Variants in ADGRL3 observed in about 807,000 individuals in gnomAD.
ADGRL3 encodes the protein calcium-independent alpha-latrotoxin receptor 3.
ADGRL3 carries 62 observed loss-of-function variants against 153.5 expected under a neutral mutation model. That is an observed-to-expected ratio of 0.40 (90% CI 0.33 to 0.50). The LOEUF (loss-of-function observed/expected upper bound fraction) is 0.50, where lower values mean the gene tolerates loss of function less well. Ranked by LOEUF, ADGRL3 falls within the 20% of genes least tolerant of loss-of-function variation. The pLI, the probability that ADGRL3 is intolerant of heterozygous loss-of-function variation, is 0.47. For synonymous variants in ADGRL3, 710 were observed against 672.5 expected (o/e 1.06, Z -0.86); for missense variants, 1,641 against 1,859.4 (o/e 0.88, Z 2.16).
chr4:61,735,005 ACT>A (rs1189339142), intron 8 of ADGRL3, among the ~76,000 whole-genome samples: 5 of 152,146 alleles, frequency 3.3e-5, no homozygotes, highest in African/African-American at 1.2e-4. Context: ...GTTTCAAATT[ACT>A]CTTTTATTAG....
rs567273197 is a variant in ADGRL3 at position 61,433,476 on chromosome 4, CA to C, written c.-174+50288del. The stretch of plus-strand genomic sequence containing the variant: ...ACTTAAATATCAATAGTATTTTAAG[CA>C]TTTAAGGACTTACTTTTTTCTGAAA... On this transcript the variant is annotated intron_variant, in intron 2 of 26. Coordinates refer to ENST00000683033, the MANE Select transcript of ADGRL3 (RefSeq NM_001387552.1). Among the ~76,000 whole-genome samples the C allele has an allele frequency of 1.1e-4, 16 of 152,070 alleles. No homozygotes were observed. The East Asian group carries it at 3.1e-3, about 29-fold the overall frequency.
intron 8 of ADGRL3, among the ~76,000 whole-genome samples, chr4:61,756,415 C>G (rs1267538055): frequency 1.3e-5 from 2 of 152,086 alleles, no homozygotes; most frequent in Non-Finnish European, 2.9e-5. Context: ...ATTTGGCTCT[C>G]TGTTTGTCTG....
intron 9 of ADGRL3, among the ~76,000 whole-genome samples, chr4:61,820,406 A>G (rs1176468967): frequency 6.6e-6 from 1 of 152,146 alleles, no homozygotes; most frequent in Admixed American, 6.5e-5. Context: ...ATCACAATAC[A>G]TTACAAGGTA....
rs968085079 is a variant in ADGRL3 at position 61,835,671 on chromosome 4, A to G, written c.1480+21782A>G. 8.5e-5 allele frequency among the ~76,000 whole-genome samples: 13 copies of G among 152,096 alleles called. No individual in the cohort carries two copies. In the East Asian group the frequency reaches 1.3e-3, roughly 16 times the overall value. On this transcript the variant is annotated intron_variant, in intron 9 of 26. Transcript: ENST00000683033. ...TTTTTACAAGATTTGGAATCTCCCC[A>G]TGGGTAGTTTAGAGAAAGGAAAATT...
At chr4:61,271,571 G>A (rs2093181808) in intron 1 of ADGRL3, among the ~76,000 whole-genome samples, 1 of 151,986 alleles carries the variant, frequency 6.6e-6, no homozygotes, top group Admixed American at 6.6e-5. Context: ...AAACAGAGAA[G>A]TCTACCCACA....
intron 1 of ADGRL3, among the ~76,000 whole-genome samples, chr4:61,350,143 T>C (rs1357927509): frequency 6.6e-6 from 1 of 152,082 alleles, no homozygotes; most frequent in Admixed American, 6.5e-5. Context: ...AATTCAAACA[T>C]GTTGCTGATA....
intron 1 of ADGRL3, among the ~76,000 whole-genome samples, chr4:61,324,236 C>T (rs763817145): frequency 3.9e-5 from 6 of 152,128 alleles, no homozygotes; most frequent in Non-Finnish European, 8.8e-5. Context: ...CCGTATCACC[C>T]ACTTTTTCTG....
At chr4:61,222,001 T>C (rs1745816908) in intron 1 of ADGRL3, among the ~76,000 whole-genome samples, 1 of 152,152 alleles carries the variant, frequency 6.6e-6, no homozygotes, top group African/African-American at 2.4e-5. Context: ...GCCAACTCCA[T>C]CATAACCATA....
intron 13 of ADGRL3, among the ~76,000 whole-genome samples, chr4:61,916,101 T>G (rs2098743949): frequency 1.3e-5 from 2 of 152,134 alleles, no homozygotes; most frequent in African/African-American, 4.8e-5. Flanking sequence ...GAAAGCACAG[T>G]GAAATTTTAA....
At chr4:61,770,096 T>C (rs143066946) in intron 8 of ADGRL3, among the ~76,000 whole-genome samples, 1 of 152,190 alleles carries the variant, frequency 6.6e-6, no homozygotes, top group Non-Finnish European at 1.5e-5. Context: ...ATTCTAAAAT[T>C]TTAGTCATGA....
chr4:61,601,822 A>T (rs2099013146), intron 5 of ADGRL3, among the ~76,000 whole-genome samples: 1 of 152,176 alleles, frequency 6.6e-6, no homozygotes, highest in African/African-American at 2.4e-5. Context: ...ATCTTCCTTT[A>T]GTGGGTAAGT....
intron 21 of ADGRL3, among the ~76,000 whole-genome samples, chr4:62,013,803 G>T (rs948377090): frequency 9.2e-5 from 14 of 151,722 alleles, no homozygotes; most frequent in African/African-American, 3.4e-4. Context: ...CAGGAGAATC[G>T]CTTGAACCCG....
intron 6 of ADGRL3, among the ~76,000 whole-genome samples, chr4:61,719,540 G>C (rs2096195641): frequency 6.6e-6 from 1 of 150,764 alleles, no homozygotes; most frequent in African/African-American, 2.4e-5. Flanking sequence ...AGTTTTATGT[G>C]TACCACTTTC....
intron 7 of ADGRL3, among the ~76,000 whole-genome samples, chr4:61,731,355 G>A (rs1024498120): frequency 6.6e-6 from 1 of 151,956 alleles, no homozygotes; most frequent in African/African-American, 2.4e-5. Flanking sequence ...TATAGTTACT[G>A]TTTAAAAGCT....
At chr4:61,654,345 G>A (rs183194896) in intron 5 of ADGRL3, among the ~76,000 whole-genome samples, 1,979 of 151,866 alleles carry the variant, frequency 0.013, 19 homozygotes, top group Non-Finnish European at 0.02. Context: ...TTGGATATGC[G>A]TACAAATATA....
intron 2 of ADGRL3, among the ~76,000 whole-genome samples, chr4:61,396,537 C>T (rs919266132): frequency 1.3e-5 from 2 of 151,804 alleles, no homozygotes; most frequent in Admixed American, 6.6e-5. Flanking sequence ...TTGATTCAGT[C>T]GAACTGAGGT....
rs577714551 is a variant in ADGRL3, at chr4:61,930,354, T to C, written c.2113-4486T>C. 4.6e-5 allele frequency among the ~76,000 whole-genome samples: 7 copies of C among 152,304 alleles called. No individual in the cohort carries two copies. The East Asian group carries it at 1.4e-3, about 29-fold the overall frequency. Reference sequence around the variant, plus strand: ...ATTTACTGCTTACCTGGATAAGAAGTGCCACTCATGTGTTTCTCATCATTC... The same window carrying C: ...ATTTACTGCTTACCTGGATAAGAAGCGCCACTCATGTGTTTCTCATCATTC... On this transcript the variant is annotated intron_variant, in intron 13 of 26. Transcript: ENST00000683033.
At chr4:61,593,073 G>A (rs988777299) in intron 5 of ADGRL3, among the ~76,000 whole-genome samples, 36 of 152,166 alleles carry the variant, frequency 2.4e-4, no homozygotes, top group Non-Finnish European at 4.9e-4. Context: ...TATTTAAACC[G>A]ATGACAACTT....
chr4:61,821,420 T>C (rs2097755505), intron 9 of ADGRL3, among the ~76,000 whole-genome samples: 1 of 152,084 alleles, frequency 6.6e-6, no homozygotes, highest in African/African-American at 2.4e-5. Context: ...TGGAGTGCAA[T>C]GGCTTGATCT....
Sources: allele counts gnomAD v4.1 joint callset (sites outside exome capture counted in the v4.1 genomes callset), GRCh38; gene constraint gnomAD v4.1.1; transcripts MANE v1.5; gene names NCBI Gene and HGNC (gene_info 2026-07-23, HGNC 2026-07-21).